The following MRTFA variants were observed in gnomAD, a reference collection of about 807,000 sequenced individuals.
MRTFA encodes myocardin related transcription factor A.
Under a neutral mutation model 83.5 loss-of-function variants are expected in MRTFA, and 20 were observed. The ratio of observed to expected loss-of-function variants is 0.24; its 90% CI spans 0.17 to 0.35. The LOEUF is 0.35. Among genes scored for constraint, MRTFA ranks in the 10% least tolerant of loss-of-function variants. The pLI is 1.00. For missense variants in MRTFA, 1,200 were observed against 1,224.7 expected, an observed-to-expected ratio of 0.98 and a Z score of 0.30; for synonymous variants, 659 against 541.2, an observed-to-expected ratio of 1.22 and a Z score of -3.02.
At position 40,410,822 on chromosome 22, in the gene MRTFA, G is replaced by T; in HGVS notation, c.*568C>A. 1 of 232,890 alleles carries T rather than the reference G, an allele frequency of 4.3e-6. No homozygotes were observed. The highest frequency in any genetic ancestry group is 6.0e-5 in the East Asian group (1 of 16,542). The allele number at this position is 232,890 out of a possible 1,614,324, so 14.4% of individuals were successfully genotyped here. A position where few individuals can be genotyped will look rare whatever the true frequency, so the allele number is the denominator to read the frequency against. On this transcript the variant is annotated 3_prime_UTR_variant, in exon 15 of 15. Transcript: ENST00000355630. The stretch of plus-strand genomic sequence containing the variant: ...ATGTATGTCGATATATAATATAGAG[G>T]TATATACACCTGTACATAAAATTGT...
At chr22:40,618,248 G>GCATTTTT (rs1195201249) in intron 1 of MRTFA, among the ~76,000 whole-genome samples, 2 of 129,066 alleles carry the variant, frequency 1.5e-5, no homozygotes, top group Non-Finnish European at 1.7e-5. Context: ...CTAATTTTTT[G>GCATTTTT]TATTTTTTTT....
intron 2 of MRTFA, among the ~76,000 whole-genome samples, chr22:40,582,432 C>T (rs1032496057): frequency 3.9e-5 from 6 of 152,030 alleles, no homozygotes; most frequent in African/African-American, 9.7e-5. Context: ...GAGTATATAA[C>T]GATGAGAAGA....
intron 1 of MRTFA, among the ~76,000 whole-genome samples, chr22:40,632,642 G>A (rs2056654351): frequency 6.6e-6 from 1 of 151,940 alleles, no homozygotes; most frequent in Non-Finnish European, 1.5e-5. Flanking sequence ...CCCCATGTTG[G>A]CCAGGCTGGT....
chr22:40,618,497 A>T (rs1758472690), intron 1 of MRTFA, among the ~76,000 whole-genome samples: 1 of 152,104 alleles, frequency 6.6e-6, no homozygotes, highest in Non-Finnish European at 1.5e-5. Flanking sequence ...GGGTAGAGGG[A>T]ACAGCAAGCA....
chr22:40,626,072 C>G (rs1047323606), intron 1 of MRTFA, among the ~76,000 whole-genome samples: 6 of 152,158 alleles, frequency 3.9e-5, no homozygotes, highest in Admixed American at 3.3e-4. Context: ...CAACCTCCAC[C>G]TCCCCGGTTC....
chr22:40,519,582 T>C, intron 3 of MRTFA: 1 of 1,342,524 alleles, frequency 7.4e-7, no homozygotes. Flanking sequence ...GCAATCACGC[T>C]GATTTGTTAT....
intron 2 of MRTFA, chr22:40,569,811 C>T (rs1220332274): frequency 6.6e-6 from 1 of 152,586 alleles, no homozygotes; most frequent in Non-Finnish European, 1.5e-5. Flanking sequence ...GTGAATGGTA[C>T]CAGCATGTGT....
At position 40,541,439 on chromosome 22, in the gene MRTFA, AAG is replaced by A. The variant is rs1256427284; in HGVS notation, c.241+10665_241+10666del. 2.0e-5 allele frequency among the ~76,000 whole-genome samples: 3 copies of A among 152,156 alleles called. No individual in the cohort carries two copies. In the East Asian group the frequency reaches 5.8e-4, roughly 29 times the overall value. Reference sequence around the variant, plus strand: ...CAAATGTCATGGGCTCCAACCACTTAAGACTTTCCCCTAGACACCTCGTATTG... The same window carrying A: ...CAAATGTCATGGGCTCCAACCACTTAACTTTCCCCTAGACACCTCGTATTG... On this transcript the variant is annotated intron_variant, in intron 3 of 14. Transcript: ENST00000355630.
chr22:40,620,328 T>G (rs954086656), intron 1 of MRTFA, among the ~76,000 whole-genome samples: 1 of 151,932 alleles, frequency 6.6e-6, no homozygotes, highest in Non-Finnish European at 1.5e-5. Context: ...TTCTCTATGT[T>G]GGTCAGGCTG....
intron 1 of MRTFA, among the ~76,000 whole-genome samples, chr22:40,597,077 G>T (rs985810911): frequency 6.6e-6 from 1 of 151,918 alleles, no homozygotes; most frequent in African/African-American, 2.4e-5. Flanking sequence ...ACATTTGGTT[G>T]TCCCCAGGTT....
At chr22:40,529,018 C>G (rs774922438) in intron 3 of MRTFA, among the ~76,000 whole-genome samples, 8 of 152,146 alleles carry the variant, frequency 5.3e-5, no homozygotes, top group African/African-American at 9.7e-5. Context: ...CTAGTGCAAT[C>G]TGGAGTTTTT....
Position 40,503,925 on chromosome 22 carries a change from T to TA in MRTFA, c.242-40640dup, listed in dbSNP as rs879928813. 5.3e-3 allele frequency among the ~76,000 whole-genome samples: 770 copies of TA among 145,360 alleles called. 6 individuals are homozygous for TA. Among genetic ancestry groups the TA allele is most frequent in the Non-Finnish European group, 8.0e-3 (526 of 65,730 alleles). ...CAACAGAGCAAGACTGTCTCAAGTT[T>TA]AAAAAAAAAAAAATTCCCAGGATAC... On this transcript the variant is annotated intron_variant, in intron 3 of 14. Coordinates refer to ENST00000355630, the MANE Select transcript of MRTFA (RefSeq NM_020831.6).
intron 1 of MRTFA, among the ~76,000 whole-genome samples, chr22:40,630,890 G>C (rs2056634732): frequency 6.6e-6 from 1 of 152,122 alleles, no homozygotes; most frequent in African/African-American, 2.4e-5. Context: ...ATTCCCTCCA[G>C]GTTAACCTTG....
At chr22:40,483,706 T>A (rs1189723759) in intron 3 of MRTFA, among the ~76,000 whole-genome samples, 1 of 151,660 alleles carries the variant, frequency 6.6e-6, no homozygotes, top group African/African-American at 2.4e-5. Flanking sequence ...AAATTAAAAT[T>A]AAAATAAAAA....
At chr22:40,582,665 T>TACACACAC (rs3044561) in intron 2 of MRTFA, among the ~76,000 whole-genome samples, 4 of 143,024 alleles carry the variant, frequency 2.8e-5, no homozygotes, top group Admixed American at 7.1e-5. Context: ...TATACACACA[T>TACACACAC]ACACACACAC....
chr22:40,457,164 A>G (rs2053598821), intron 4 of MRTFA, among the ~76,000 whole-genome samples: 1 of 152,174 alleles, frequency 6.6e-6, no homozygotes, highest in African/African-American at 2.4e-5. Flanking sequence ...CAGGAGTTCA[A>G]GACCAGCCTG....
chr22:40,546,433 G>A (rs1457529431), intron 3 of MRTFA, among the ~76,000 whole-genome samples: 1 of 152,226 alleles, frequency 6.6e-6, no homozygotes, highest in Non-Finnish European at 1.5e-5. Flanking sequence ...GATATCCGTG[G>A]AGGAAAAGTT....
chr22:40,419,571 C>T (rs2052781614), intron 11 of MRTFA, among the ~76,000 whole-genome samples, 187 bp from the exon 12 acceptor site: 2 of 152,206 alleles, frequency 1.3e-5, no homozygotes, highest in Non-Finnish European at 2.9e-5. Context: ...TCATTGTTCT[C>T]ACTCTAGCAG....
intron 1 of MRTFA, among the ~76,000 whole-genome samples, chr22:40,610,038 T>C (rs535722688): frequency 6.6e-6 from 1 of 151,334 alleles, no homozygotes; most frequent in African/African-American, 2.4e-5. Context: ...GTTTCTTTTT[T>C]TTCTCTTTTT....
Sources: allele counts gnomAD v4.1 joint callset (sites outside exome capture counted in the v4.1 genomes callset), GRCh38; gene constraint gnomAD v4.1.1; transcripts MANE v1.5; gene names NCBI Gene and HGNC (gene_info 2026-07-23, HGNC 2026-07-21).